The following DDX31 variants were observed in gnomAD, a reference collection of about 807,000 sequenced individuals.
The protein encoded by DDX31 is DEAD-box helicase 31, also known as ATP-dependent DNA helicase DDX31.
In DDX31, 70 loss-of-function variants were observed where a neutral mutation model predicts 91.3. That is an observed-to-expected ratio of 0.77 (90% CI 0.63 to 0.94). The LOEUF is 0.94. Among genes scored for constraint, DDX31 ranks in the 40% least tolerant of loss-of-function variants. DDX31 has a pLI of 0.00. For missense variants in DDX31, 902 were observed against 925.0 expected, an observed-to-expected ratio of 0.98 and a Z score of 0.32; for synonymous variants, 362 against 350.6, an observed-to-expected ratio of 1.03 and a Z score of -0.36.
At chr9:132,630,995 G>A (rs1452695054) in intron 15 of DDX31, among the ~76,000 whole-genome samples, 1 of 152,268 alleles carries the variant, frequency 6.6e-6, no homozygotes, top group Non-Finnish European at 1.5e-5. Context: ...GCGGGCAGGT[G>A]AGGGGCAGGT....
rs1185617174 is a variant in DDX31, at chr9:132,594,840, G to C, written c.*26C>G. 7.9e-5 allele frequency: 127 copies of C among 1,606,552 alleles called. No individual in the cohort carries two copies. The highest frequency in any genetic ancestry group is 1.0e-4 in the Non-Finnish European group (118 of 1,175,448). ...ATCCACTGCCACCCGGGGCTTCCAG[G>C]TTCCACTCGAAGACCCAGAGAGATT... is the stretch of plus-strand genomic sequence containing the variant. On this transcript the variant is annotated 3_prime_UTR_variant, in exon 20 of 20. Coordinates refer to ENST00000372159, the MANE Select transcript of DDX31 (RefSeq NM_022779.9).
chr9:132,640,115 T>C (rs1833398198), intron 14 of DDX31, among the ~76,000 whole-genome samples: 1 of 152,182 alleles, frequency 6.6e-6, no homozygotes, highest in Admixed American at 6.5e-5. Flanking sequence ...AGTCCTTGTC[T>C]TCATGATGCT....
intron 19 of DDX31, among the ~76,000 whole-genome samples, chr9:132,602,022 T>C (rs906892198): frequency 2.0e-5 from 3 of 152,228 alleles, no homozygotes; most frequent in Admixed American, 6.5e-5. Context: ...ATGTGGCATA[T>C]TGTCATGTGA....
intron 14 of DDX31, among the ~76,000 whole-genome samples, chr9:132,636,632 C>T (rs1833135482): frequency 6.6e-6 from 1 of 152,204 alleles, no homozygotes; most frequent in Non-Finnish European, 1.5e-5. Flanking sequence ...CTATTTCCTA[C>T]CTGGGTGACC....
intron 1 of DDX31, 94 bp from the exon 2 acceptor site, chr9:132,662,789 C>G: frequency 2.0e-6 from 3 of 1,533,158 alleles, no homozygotes; most frequent in Non-Finnish European, 2.7e-6. Context: ...AGAATTGCAT[C>G]TCTCCCTGCA....
At chr9:132,617,671 T>C (rs1044100810) in intron 18 of DDX31, among the ~76,000 whole-genome samples, 2 of 152,182 alleles carry the variant, frequency 1.3e-5, no homozygotes, top group Non-Finnish European at 2.9e-5. Flanking sequence ...GGTCAGTCTC[T>C]GGCCAAGACA....
intron 5 of DDX31, among the ~76,000 whole-genome samples, chr9:132,659,071 T>TC (rs938720934): frequency 6.6e-6 from 1 of 152,234 alleles, no homozygotes; most frequent in Non-Finnish European, 1.5e-5. Flanking sequence ...TTTGAAGTCC[T>TC]CCCTACCCTC....
At chr9:132,659,573 T>C (rs1834802885) in intron 5 of DDX31, 137 bp downstream of exon 5, 1 of 718,498 alleles carries the variant, frequency 1.4e-6, no homozygotes, top group African/African-American at 1.8e-5. Flanking sequence ...TTCAGGGCTC[T>C]AATCAAAAGC....
At chr9:132,662,834 T>C (rs1835065689) in intron 1 of DDX31, 139 bp from the exon 2 acceptor site, 1 of 1,221,744 alleles carries the variant, frequency 8.2e-7, no homozygotes, top group Non-Finnish European at 1.1e-6. Flanking sequence ...AGCAACAGTT[T>C]AGGGTTTGCA....
intron 19 of DDX31, 55 bp downstream of exon 19, chr9:132,612,032 A>T (rs1831368104): frequency 6.4e-7 from 1 of 1,573,892 alleles, no homozygotes; most frequent in Non-Finnish European, 8.7e-7. Flanking sequence ...AGCACATCAC[A>T]TCATGTGAAC....
At chr9:132,635,415 A>G (rs1439295441) in intron 14 of DDX31, among the ~76,000 whole-genome samples, 1 of 146,198 alleles carries the variant, frequency 6.8e-6, no homozygotes, top group East Asian at 2.1e-4. Context: ...CCCACCCCCA[A>G]CCTACTGTTA....
rs773099221 is a variant in DDX31, at chr9:132,647,072, A to G, written c.968-14T>C. On this transcript the variant is annotated splice_polypyrimidine_tract_variant and intron_variant, in intron 11 of 19. Transcript: ENST00000372159. ...GCCGCGTTACACCTTGGATAAAAGT[A>G]AGAAGGGCAAAGCAGACAACAAACA... 1 of 1,534,594 alleles carries G rather than the reference A, an allele frequency of 6.5e-7. No homozygotes were observed. The highest frequency in any genetic ancestry group is 8.8e-7 in the Non-Finnish European group (1 of 1,139,926).
intron 19 of DDX31, among the ~76,000 whole-genome samples, chr9:132,608,127 TTC>T (rs1335284823): frequency 6.6e-6 from 1 of 152,216 alleles, no homozygotes; most frequent in African/African-American, 2.4e-5. Context: ...AGAACTGCAT[TTC>T]ACGGAAGGGA....
At position 132,595,086 on chromosome 9, in the gene DDX31, C is replaced by T. The variant is rs35447016; in HGVS notation, c.2021G>A (p.Ser674Asn). 3,464 of 1,614,182 alleles carry T rather than the reference C, an allele frequency of 2.1e-3. 15 individuals are homozygous for T. Among genetic ancestry groups the T allele is most frequent in the African/African-American group, 0.016 (1,211 of 75,050 alleles). ...KRPDLHKKTQ[S>N]KHSLAEILRS... ...TAGGATTTCAGCGAGGCTGTGTTTA[C>T]TCTGGGTCTTCTTATGAAGGTCAGG... The change falls in exon 20 of 20, where the codon AGT (serine) becomes AAT (asparagine). Residue 674 changes from serine (S) to asparagine (N), a missense_variant. Physicochemically the swap from Ser to Asn is conservative, Grantham distance 46. Coordinates refer to ENST00000372159, the MANE Select transcript of DDX31 (RefSeq NM_022779.9). The surrounding 1 kb of genome is among the most constrained non-coding windows in gnomAD (Gnocchi z 4.6).
intron 19 of DDX31, among the ~76,000 whole-genome samples, chr9:132,602,305 G>A (rs1260592380): frequency 3.3e-5 from 5 of 152,226 alleles, no homozygotes; most frequent in South Asian, 2.1e-4. Context: ...GACCAGGTTG[G>A]GCCAGGCTGG....
intron 16 of DDX31, among the ~76,000 whole-genome samples, chr9:132,628,542 A>G (rs1036497545): frequency 1.1e-4 from 17 of 152,326 alleles, no homozygotes; most frequent in African/African-American, 2.6e-4. Flanking sequence ...TTTTAGCTTT[A>G]TATCTGAGCC....
Position 132,658,659 on chromosome 9 carries a change from TTTGA to T in DDX31, c.588+8_588+11del. ...CTATGAGCAATGACAGAAAAACACA[TTTGA>T]TACACACCTGTATTTTTGACTCCAT... On this transcript the variant is annotated splice_region_variant and intron_variant, in intron 6 of 19. Coordinates refer to ENST00000372159, the MANE Select transcript of DDX31 (RefSeq NM_022779.9). 1 of 1,612,336 alleles carries T rather than the reference TTTGA, an allele frequency of 6.2e-7. No homozygotes were observed. Among genetic ancestry groups the T allele is most frequent in the Middle Eastern group, 1.7e-4 (1 of 6,054 alleles).
At chr9:132,652,857 A>C (rs1007087224) in intron 6 of DDX31, among the ~76,000 whole-genome samples, 1 of 152,138 alleles carries the variant, frequency 6.6e-6, no homozygotes, top group African/African-American at 2.4e-5. Context: ...CCATGTAAGA[A>C]ATGTCTTTCG....
At chr9:132,662,740 C>A (rs772598788) in intron 1 of DDX31, 45 bp from the exon 2 acceptor site, 29 of 1,610,618 alleles carry the variant, frequency 1.8e-5, no homozygotes, top group South Asian at 4.4e-5. Flanking sequence ...ATGCATTAGT[C>A]CATGAAAACA....
Sources: gnomAD v4.1 joint callset for allele counts (sites outside exome capture counted in the v4.1 genomes callset) on GRCh38, gnomAD v4.1.1 for gene constraint, Gnocchi (gnomAD v3.1) non-coding constraint, MANE v1.5 for transcripts, NCBI Gene and HGNC (gene_info 2026-07-23, HGNC 2026-07-21) for gene names.